The following BPIFA1 variants were observed in gnomAD, a reference collection of about 807,000 sequenced individuals.
BPIFA1 encodes BPI fold-containing family A member 1.
In BPIFA1, 24 loss-of-function variants were observed where a neutral mutation model predicts 25.1. The observed-to-expected ratio is 0.96, with a 90% CI of 0.69 to 1.35. BPIFA1 has a LOEUF of 1.35. Among genes scored for constraint, BPIFA1 ranks in the 40% most tolerant of loss-of-function variants. BPIFA1 has a pLI of 0.00. For synonymous variants in BPIFA1, 139 were observed against 131.8 expected (o/e 1.05, Z -0.37); for missense variants, 344 against 303.7 (o/e 1.13, Z -0.99).
intron 1 of BPIFA1, among the ~76,000 whole-genome samples, chr20:33,237,009 G>T (rs1978712432): frequency 6.6e-6 from 1 of 152,020 alleles, no homozygotes; most frequent in South Asian, 2.1e-4. Flanking sequence ...GACTGAACAG[G>T]GATGATCTAA....
Position 33,241,426 on chromosome 20 carries a change from C to A in BPIFA1, c.623C>A (p.Thr208Lys). The change falls in exon 6 of 9, where the codon ACA becomes AAA. Residue 208 changes from threonine (T) to lysine (K), a missense_variant. Coordinates refer to ENST00000354297, the MANE Select transcript of BPIFA1 (RefSeq NM_130852.3). ...LPIQGLLDSL[T>K]GILNKVLPEL... ...ATTCAAGGTCTTCTGGACAGCCTCA[C>A]AGGGATCTTGAATAAAGTCCTGCCT... 13 of 1,614,178 alleles carry A rather than the reference C, an allele frequency of 8.1e-6. No individual in the cohort carries two copies. The highest frequency in any genetic ancestry group is 1.1e-5 in the Non-Finnish European group (13 of 1,180,012).
Position 33,237,784 on chromosome 20 carries a change from C to G in BPIFA1, c.73C>G (p.Pro25Ala). The G allele has an allele frequency of 6.3e-7, 1 of 1,597,044 alleles. No homozygotes were observed. The highest frequency in any genetic ancestry group is 1.1e-5 in the South Asian group (1 of 88,122). Residue 25 changes from proline (P) to alanine (A), a missense_variant, in exon 2 of 9, where the codon CCC becomes GCC. Physicochemically the swap from Pro to Ala is conservative, Grantham distance 27 (BLOSUM62 -1). Transcript: ENST00000354297. ...AQTMAQFGGL[P>A]VPLDQTLPLN... ...GACCATGGCCCAGTTTGGAGGCCTG[C>G]CCGTGCCCCTGGACCAGACCCTGCC...
chr20:33,238,232 A>G lies in BPIFA1; in HGVS notation c.320+18A>G. The G allele has an allele frequency of 6.2e-7, 1 of 1,603,656 alleles. No homozygotes were observed. The highest frequency in any genetic ancestry group is 8.5e-7 in the Non-Finnish European group (1 of 1,174,174). On this transcript the variant is annotated intron_variant, in intron 3 of 8. Transcript: ENST00000354297. ...ATCATTGAGTGAGTTGTCCTAAAAT[A>G]GAGCTTTGATCTCCACCAGGGAACC... is the stretch of plus-strand genomic sequence containing the variant.
In BPIFA1 at chr20:33,239,864, C is replaced by T. The variant is rs767985920; in HGVS notation, c.382C>T (p.Arg128Cys). 1.2e-5 allele frequency: 19 copies of T among 1,614,096 alleles called. 1 individual carries two copies. Among genetic ancestry groups the T allele is most frequent in the Middle Eastern group, 3.3e-4 (2 of 6,082 alleles). The change falls in exon 4 of 9, where the codon CGT (arginine) becomes TGT (cysteine). Residue 128 changes from arginine (R) to cysteine (C), a missense_variant. Physicochemically the swap from Arg to Cys is radical, Grantham distance 180. Coordinates refer to ENST00000354297, the MANE Select transcript of BPIFA1 (RefSeq NM_130852.3). ...LGLVQSPDGH[R>C]LYVTIPLGIK... ...CCTTGTGCAGAGCCCTGATGGCCAC[C>T]GTCTCTATGTCACCATCCCTCTCGG...
intron 2 of BPIFA1, 26 bp downstream of exon 2, chr20:33,237,897 CATGTGTGTGTGTGTGTGTGTGTGT>C: frequency 1.6e-6 from 2 of 1,268,330 alleles, no homozygotes. Context: ...TGTATGTGTG[CATGTGTGTGTGTGTGTGTGTGTGT>C]GTGTGTGTGT....
intron 1 of BPIFA1, among the ~76,000 whole-genome samples, chr20:33,237,046 C>T (rs3787145): frequency 0.34 from 52,115 of 152,022 alleles, 11,497 homozygotes; most frequent in African/African-American, 0.63. Flanking sequence ...AGCACTTGCA[C>T]GTTTAACCCT....
At chr20:33,240,094 T>C in intron 4 of BPIFA1, 139 bp from the exon 5 acceptor site, 1 of 1,436,464 alleles carries the variant, frequency 7.0e-7, no homozygotes, top group Non-Finnish European at 9.5e-7. Context: ...AGTCTTTGTT[T>C]CTCCTGCTAG....
chr20:33,237,656 C>T, intron 1 of BPIFA1, 41 bp from the exon 2 acceptor site: 1 of 1,382,036 alleles, frequency 7.2e-7, no homozygotes, highest in South Asian at 2.2e-5. Context: ...AAATTCCTCT[C>T]TGATACCCAT....
chr20:33,241,256 G>T, intron 5 of BPIFA1, 129 bp from the exon 6 acceptor site: 1 of 823,662 alleles, frequency 1.2e-6, no homozygotes, highest in Non-Finnish European at 2.1e-6. Flanking sequence ...GCCTGCACGT[G>T]GGTGTAGATA....
intron 4 of BPIFA1, 117 bp downstream of exon 4, chr20:33,240,027 C>T: frequency 2.2e-6 from 3 of 1,342,322 alleles, no homozygotes; most frequent in Non-Finnish European, 2.1e-6. Context: ...AACTTCAGCT[C>T]ATTTGCTGCT....
intron 1 of BPIFA1, 77 bp from the exon 2 acceptor site, chr20:33,237,620 C>A: frequency 8.1e-7 from 1 of 1,242,068 alleles, no homozygotes; most frequent in Non-Finnish European, 1.0e-6. Context: ...AACCCCACCC[C>A]CCAGGTGTCA....
At chr20:33,240,097 C>T (rs1978886379) in intron 4 of BPIFA1, 136 bp from the exon 5 acceptor site, 2 of 1,440,734 alleles carry the variant, frequency 1.4e-6, no homozygotes, top group South Asian at 1.3e-5. Flanking sequence ...CTTTGTTTCT[C>T]CTGCTAGAAA....
chr20:33,238,314 G>T, intron 3 of BPIFA1, 100 bp downstream of exon 3: 1 of 1,368,368 alleles, frequency 7.3e-7, no homozygotes, highest in South Asian at 1.4e-5. Context: ...CCCTGAAGCA[G>T]CGAGGGAGCG....
At chr20:33,237,148 G>A (rs947771895) in intron 1 of BPIFA1, among the ~76,000 whole-genome samples, 5 of 152,186 alleles carry the variant, frequency 3.3e-5, no homozygotes, top group African/African-American at 9.7e-5. Flanking sequence ...TAATTTAACC[G>A]AGGGTTCACC....
intron 2 of BPIFA1, 27 bp downstream of exon 2, chr20:33,237,898 A>ATGTGTGTGTGTG: frequency 1.7e-6 from 2 of 1,186,536 alleles, no homozygotes; most frequent in Non-Finnish European, 2.3e-6. Context: ...GTATGTGTGC[A>ATGTGTGTGTGTG]TGTGTGTGTG....
intron 5 of BPIFA1, 93 bp downstream of exon 5, chr20:33,240,478 G>A (rs1022932608): frequency 2.7e-6 from 4 of 1,490,668 alleles, no homozygotes; most frequent in Middle Eastern, 1.8e-4. Context: ...GAGAATAGAT[G>A]AGTGAGAGGC....
chr20:33,240,458 G>C, intron 5 of BPIFA1, 73 bp downstream of exon 5: 1 of 1,556,040 alleles, frequency 6.4e-7, no homozygotes, highest in Non-Finnish European at 8.8e-7. Context: ...TTGGAAAGCT[G>C]AGACAATGAG....
chr20:33,238,030 C>CAG (rs1978777562), intron 2 of BPIFA1, 25 bp from the exon 3 acceptor site: 2 of 1,603,652 alleles, frequency 1.2e-6, no homozygotes, highest in Non-Finnish European at 1.7e-6. Flanking sequence ...ATCTGACCCC[C>CAG]AGAGACCCTT....
Position 33,241,305 on chromosome 20 carries a change from G to T in BPIFA1, c.582-80G>T, listed in dbSNP as rs1978966169. The T allele has an allele frequency of 3.1e-6, 4 of 1,302,596 alleles. No homozygotes were observed. The South Asian group carries it at 4.7e-5, about 15-fold the overall frequency. 80.7% of individuals were successfully genotyped at this position (1,302,596 alleles called of 1,614,324 possible). ...TTTAGTGACTGAGTGTTGAGACTGT[G>T]GGGTTCACAGTGGCCCCCTCTGGAG... On this transcript the variant is annotated intron_variant, in intron 5 of 8. Coordinates refer to ENST00000354297, the MANE Select transcript of BPIFA1 (RefSeq NM_130852.3).
Sources: allele counts gnomAD v4.1 joint callset (sites outside exome capture counted in the v4.1 genomes callset), GRCh38; gene constraint gnomAD v4.1.1; transcripts MANE v1.5; gene names NCBI Gene and HGNC (gene_info 2026-07-23, HGNC 2026-07-21).